The following DTD1 variants were observed in gnomAD, a reference collection of about 807,000 sequenced individuals.
DTD1 encodes D-tyrosyl-tRNA deacylase 1 homolog.
In DTD1, 13 loss-of-function variants were observed where a neutral mutation model predicts 25.6. The ratio of observed to expected loss-of-function variants is 0.51; its 90% CI spans 0.33 to 0.81. The LOEUF is 0.81. DTD1 is among the 30% of genes least tolerant of loss of function. The pLI, the probability that DTD1 is intolerant of heterozygous loss-of-function variation, is 0.02. For missense variants in DTD1, 193 were observed against 266.4 expected (o/e 0.72, Z 1.92); for synonymous variants, 110 against 103.6 (o/e 1.06, Z -0.37).
chr20:18,619,790 A>G (rs945846853), intron 3 of DTD1, among the ~76,000 whole-genome samples: 1 of 152,172 alleles, frequency 6.6e-6, no homozygotes. Context: ...AGTTTATCCC[A>G]TATAAATGTA....
At chr20:18,709,622 A>G (rs1299113322) in intron 4 of DTD1, among the ~76,000 whole-genome samples, 1 of 152,208 alleles carries the variant, frequency 6.6e-6, no homozygotes, top group African/African-American at 2.4e-5. Context: ...TTGGGGGGAC[A>G]GAATACCTAG....
chr20:18,722,775 T>C (rs1018415933), intron 4 of DTD1, among the ~76,000 whole-genome samples: 9 of 152,128 alleles, frequency 5.9e-5, no homozygotes, highest in Admixed American at 2.0e-4. Context: ...GTCTTCGGTG[T>C]AGAAGTGCCA....
intron 4 of DTD1, chr20:18,632,793 A>C (rs1311393407): frequency 2.3e-6 from 1 of 434,472 alleles, no homozygotes; most frequent in East Asian, 1.6e-4. Flanking sequence ...ATGGATGTAT[A>C]TGTGTGCATG....
chr20:18,671,897 G>A (rs1257599553), intron 4 of DTD1, among the ~76,000 whole-genome samples: 3 of 152,156 alleles, frequency 2.0e-5, no homozygotes, highest in African/African-American at 7.2e-5. Context: ...GAACGTTCAA[G>A]AGCAACCCAG....
intron 4 of DTD1, among the ~76,000 whole-genome samples, chr20:18,629,441 C>T (rs1381805025): frequency 1.3e-5 from 2 of 151,598 alleles, no homozygotes; most frequent in Non-Finnish European, 2.9e-5. Context: ...GCTGGGACTA[C>T]AGGCATACGC....
intron 4 of DTD1, among the ~76,000 whole-genome samples, chr20:18,647,385 A>G (rs1428185597): frequency 6.6e-6 from 1 of 152,114 alleles, no homozygotes; most frequent in Non-Finnish European, 1.5e-5. Context: ...GGCAGTTCCG[A>G]GAGGATGTTA....
intron 5 of DTD1, among the ~76,000 whole-genome samples, chr20:18,761,893 T>C (rs564635714): frequency 8.1e-4 from 123 of 152,354 alleles, no homozygotes; most frequent in African/African-American, 2.7e-3. Context: ...GAAAGTAATA[T>C]GGTCCCCAGG....
intron 4 of DTD1, among the ~76,000 whole-genome samples, chr20:18,645,321 G>A (rs1445431956): frequency 1.3e-5 from 2 of 152,226 alleles, no homozygotes; most frequent in South Asian, 2.1e-4. Flanking sequence ...ATGGAAACAA[G>A]GAGGAACTGG....
At chr20:18,619,715 G>A (rs1464742594) in intron 3 of DTD1, among the ~76,000 whole-genome samples, 3 of 152,156 alleles carry the variant, frequency 2.0e-5, no homozygotes, top group South Asian at 2.1e-4. Flanking sequence ...GTGAGCCACC[G>A]CACCTGGCCT....
intron 4 of DTD1, among the ~76,000 whole-genome samples, chr20:18,636,145 G>A (rs536176324): frequency 3.9e-5 from 6 of 151,982 alleles, no homozygotes; most frequent in Non-Finnish European, 8.8e-5. Context: ...TCTCATTTGT[G>A]TGTGTGTTAA....
chr20:18,693,734 C>T (rs1279294743), intron 4 of DTD1, among the ~76,000 whole-genome samples: 1 of 151,972 alleles, frequency 6.6e-6, no homozygotes, highest in East Asian at 1.9e-4. Flanking sequence ...CCCTTTGCTC[C>T]TTAACCAAGC....
chr20:18,619,445 G>C (rs1213068649), intron 3 of DTD1, among the ~76,000 whole-genome samples: 1 of 151,460 alleles, frequency 6.6e-6, no homozygotes, highest in Non-Finnish European at 1.5e-5. Context: ...TTTTTTTGGA[G>C]ACGGAGTGTC....
chr20:18,588,405 C>T (rs918237789), intron 1 of DTD1, among the ~76,000 whole-genome samples: 1 of 152,202 alleles, frequency 6.6e-6, no homozygotes, highest in Non-Finnish European at 1.5e-5. Context: ...GCACCTTTGT[C>T]CTGCGTGCGG....
chr20:18,701,782 T>C (rs1365297182), intron 4 of DTD1, among the ~76,000 whole-genome samples: 3 of 152,256 alleles, frequency 2.0e-5, no homozygotes, highest in Admixed American at 6.5e-5. Context: ...TTCTGTGTGC[T>C]TGCTTTGGCT....
chr20:18,589,413 AC>A (rs2060580282), intron 1 of DTD1, among the ~76,000 whole-genome samples: 1 of 151,898 alleles, frequency 6.6e-6, no homozygotes, highest in South Asian at 2.1e-4. Context: ...ACAACAAAAA[AC>A]CCTAAAGAAA....
chr20:18,711,328 C>G (rs1199581829), intron 4 of DTD1, among the ~76,000 whole-genome samples: 1 of 152,188 alleles, frequency 6.6e-6, no homozygotes, highest in Non-Finnish European at 1.5e-5. Context: ...CTCCGGGACT[C>G]TCAACCCCAT....
At chr20:18,685,481 G>A (rs929783639) in intron 4 of DTD1, among the ~76,000 whole-genome samples, 5 of 152,150 alleles carry the variant, frequency 3.3e-5, no homozygotes, top group Admixed American at 2.0e-4. Context: ...GGGCAGAGGC[G>A]CCAGGAAGGG....
intron 5 of DTD1, among the ~76,000 whole-genome samples, chr20:18,759,304 G>A (rs537810191): frequency 4.0e-4 from 61 of 152,272 alleles, no homozygotes; most frequent in South Asian, 1.2e-3. Context: ...TATTTTGCTC[G>A]TTAGTTGATG....
intron 4 of DTD1, among the ~76,000 whole-genome samples, chr20:18,641,797 C>G (rs553581317): frequency 6.6e-6 from 1 of 152,250 alleles, no homozygotes; most frequent in South Asian, 2.1e-4. Flanking sequence ...CAAATATTTT[C>G]TCTCATCCTG....
Sources: allele counts gnomAD v4.1 joint callset (sites outside exome capture counted in the v4.1 genomes callset), GRCh38; gene constraint gnomAD v4.1.1; transcripts MANE v1.5; gene names NCBI Gene and HGNC (gene_info 2026-07-23, HGNC 2026-07-21).